UGT1A3: variants seen among roughly 807,000 people sequenced by gnomAD.
UGT1A3 encodes the protein UDP-glucuronosyltransferase 1A3.
In UGT1A3, 31 loss-of-function variants were observed where a neutral mutation model predicts 41.0. The ratio of observed to expected loss-of-function variants is 0.76; its 90% CI spans 0.57 to 1.02. The LOEUF is 1.02. Among genes scored for constraint, UGT1A3 ranks in the 50% least tolerant of loss-of-function variants. The probability of loss-of-function intolerance (pLI) is 0.00; values close to 1 mark genes in which losing one functional copy is unlikely to be tolerated. For synonymous variants in UGT1A3, 262 were observed against 257.6 expected, an observed-to-expected ratio of 1.02 and a Z score of -0.17; for missense variants, 737 against 671.0, an observed-to-expected ratio of 1.10 and a Z score of -1.09.
chr2:233,729,653 T>A lies in UGT1A3; in HGVS notation c.527T>A (p.Ile176Asn). Residue 176 changes from isoleucine (I) to asparagine (N), a missense_variant, in exon 1 of 5, where the codon ATT becomes AAT. Ile to Asn is a moderately radical substitution (Grantham distance 149). Coordinates refer to ENST00000482026, the MANE Select transcript of UGT1A3 (RefSeq NM_019093.4). ...CCTACTGTGTTTTTTTTGAGGAACA[T>A]TCCATGTGATTTAGACTTTAAGGGC... ...SIPTVFFLRNIPCDLDFKGTQ... is the reference protein window; with the variant it reads ...SIPTVFFLRNNPCDLDFKGTQ... 1 of 1,613,906 alleles carries A rather than the reference T, an allele frequency of 6.2e-7. No individual in the cohort carries two copies. The highest frequency in any genetic ancestry group is 8.5e-7 in the Non-Finnish European group (1 of 1,179,854).
rs373771428 is a variant in UGT1A3 at position 233,743,798 on chromosome 2, T to A, written c.867+13805T>A. The A allele has an allele frequency of 5.3e-5, 73 of 1,367,294 alleles. No homozygotes were observed. The East Asian group carries it at 1.4e-3, about 26-fold the overall frequency. 84.7% of individuals were successfully genotyped at this position (1,367,294 alleles called of 1,614,324 possible). A position where few individuals can be genotyped will look rare whatever the true frequency, so the allele number is the denominator to read the frequency against. On this transcript the variant is annotated intron_variant, in intron 1 of 4. Transcript: ENST00000482026. ...CTGCTTGAATCTCCTCTCCGCTTCC[T>A]CCTTGTTCTCAGGGTTTTTGTCGGG...
intron 1 of UGT1A3, chr2:233,742,665 A>C (rs1692062657): frequency 6.6e-6 from 1 of 152,140 alleles, no homozygotes; most frequent in Non-Finnish European, 1.5e-5. Flanking sequence ...ATGTAACCCC[A>C]AGGTTTGTCC....
Position 233,772,351 on chromosome 2 carries a change from T to C in UGT1A3, c.1397T>C (p.Val466Ala). 1 of 1,614,248 alleles carries C rather than the reference T, an allele frequency of 6.2e-7. No individual in the cohort carries two copies. The change falls in exon 5 of 5, where the codon GTG becomes GCG. Residue 466 changes from valine (V) to alanine (A), a missense_variant. Transcript: ENST00000482026. ...CTGGCCGTGTTCTGGGTGGAGTTTG[T>C]GATGAGGCACAAGGGCGCGCCACAC... ...LDLAVFWVEF[V>A]MRHKGAPHLR...
intron 1 of UGT1A3, chr2:233,742,951 A>G (rs1692147451): frequency 4.7e-6 from 1 of 213,770 alleles, no homozygotes; most frequent in East Asian, 1.2e-4. Flanking sequence ...ACTAGCAAAT[A>G]ATCATTGTCT....
chr2:233,744,383 G>A (rs1055889727), intron 1 of UGT1A3, among the ~76,000 whole-genome samples: 51 of 151,842 alleles, frequency 3.4e-4, no homozygotes, highest in African/African-American at 1.2e-3. Flanking sequence ...GTTCTCCAAC[G>A]TTCCAGCCCC....
intron 1 of UGT1A3, among the ~76,000 whole-genome samples, chr2:233,762,377 A>T (rs182919265): frequency 5.6e-4 from 86 of 152,370 alleles, no homozygotes; most frequent in African/African-American, 2.0e-3. Context: ...ACCAATATGT[A>T]TATAGAAACA....
chr2:233,740,275 T>C (rs1342427185), intron 1 of UGT1A3, among the ~76,000 whole-genome samples: 1 of 151,910 alleles, frequency 6.6e-6, no homozygotes, highest in Non-Finnish European at 1.5e-5. Context: ...ATTGAAGTTA[T>C]ACTGAAAGGG....
At chr2:233,747,551 T>C in intron 1 of UGT1A3, 1 of 1,601,212 alleles carries the variant, frequency 6.2e-7, no homozygotes, top group Non-Finnish European at 8.6e-7. Context: ...TTTCTAAAAG[T>C]ATGGCAATTT....
At position 233,768,358 on chromosome 2, in the gene UGT1A3, G is replaced by A. The variant is rs770254031; in HGVS notation, c.1226G>A (p.Gly409Glu). Reference sequence around the variant, plus strand: ...AATGCAAAGCGCATGGAGACTAAGGGAGCTGGAGTGACCCTGAATGTTCTG... The same window carrying A: ...AATGCAAAGCGCATGGAGACTAAGGAAGCTGGAGTGACCCTGAATGTTCTG... ...MDNAKRMETK[G>E]AGVTLNVLEM... The change falls in exon 4 of 5, where the codon GGA becomes GAA. Residue 409 changes from glycine to glutamate, a missense_variant. Coordinates refer to ENST00000482026, the MANE Select transcript of UGT1A3 (RefSeq NM_019093.4). 8.7e-6 allele frequency: 14 copies of A among 1,614,148 alleles called. No individual in the cohort carries two copies. Among genetic ancestry groups the A allele is most frequent in the Non-Finnish European group, 7.6e-6 (9 of 1,180,042 alleles).
At position 233,736,090 on chromosome 2, in the gene UGT1A3, T is replaced by C. The variant is rs1422886640; in HGVS notation, c.867+6097T>C. ...AGGTTTGGGAAGTTCTCCTGGATAA[T>C]ATCCTGAAGAGTGTTTTCCAACTTG... On this transcript the variant is annotated intron_variant, in intron 1 of 4. Coordinates refer to ENST00000482026, the MANE Select transcript of UGT1A3 (RefSeq NM_019093.4). Among the ~76,000 whole-genome samples, 4 of 152,378 alleles carry C rather than the reference T, an allele frequency of 2.6e-5. No homozygotes were observed. The East Asian group carries it at 7.7e-4, about 29-fold the overall frequency.
In UGT1A3 at chr2:233,772,556, T is replaced by C; in HGVS notation, c.1602T>C (p.His534=). ...AGAAAGCCCACAAATCCAAGACCCA[T>C]TGAGAAGTGGGTGGGAAATAAGGTA... is the stretch of plus-strand genomic sequence containing the variant. ...RVKKAHKSKT[H] The change falls in exon 5 of 5, where the codon CAT becomes CAC. Residue 534 remains histidine, a synonymous_variant. Transcript: ENST00000482026. 2.5e-6 allele frequency: 4 copies of C among 1,613,872 alleles called. No homozygotes were observed. The highest frequency in any genetic ancestry group is 2.7e-5 in the African/African-American group (2 of 75,014).
At chr2:233,749,405 TG>T (rs1425183484) in intron 1 of UGT1A3, among the ~76,000 whole-genome samples, 1 of 151,948 alleles carries the variant, frequency 6.6e-6, no homozygotes, top group African/African-American at 2.4e-5. Flanking sequence ...TATTCTCTAG[TG>T]TTAACTACAT....
chr2:233,745,880 T>G (rs1172718877), intron 1 of UGT1A3, among the ~76,000 whole-genome samples: 2 of 151,190 alleles, frequency 1.3e-5, no homozygotes, highest in Non-Finnish European at 2.9e-5. Context: ...TCCAGAAGTG[T>G]TGGTGGGGTG....
At chr2:233,764,281 G>A (rs537961109) in intron 1 of UGT1A3, among the ~76,000 whole-genome samples, 5 of 152,204 alleles carry the variant, frequency 3.3e-5, no homozygotes, top group South Asian at 2.1e-4. Context: ...TGGTCATTCC[G>A]GTAACTGTGA....
rs28900368 is a variant in UGT1A3 at position 233,741,162 on chromosome 2, T to C, written c.867+11169T>C. ...CATTTATGACAGCACTAATCCAGGA[T>C]ATATCAAAACTGAACTTGTGTTTGC... On this transcript the variant is annotated intron_variant, in intron 1 of 4. Transcript: ENST00000482026. 1.4e-3 allele frequency among the ~76,000 whole-genome samples: 206 copies of C among 152,072 alleles called. 9 individuals are homozygous for C. The highest frequency in any genetic ancestry group is 4.8e-3 in the African/African-American group (198 of 41,316).
intron 1 of UGT1A3, among the ~76,000 whole-genome samples, chr2:233,741,066 G>A (rs923933270): frequency 3.3e-5 from 5 of 151,838 alleles, no homozygotes; most frequent in Non-Finnish European, 7.3e-5. Context: ...GCTACAGAGC[G>A]AGACCCTGTC....
At chr2:233,742,468 T>C (rs1293032566) in intron 1 of UGT1A3, among the ~76,000 whole-genome samples, 1 of 151,930 alleles carries the variant, frequency 6.6e-6, no homozygotes, top group East Asian at 1.9e-4. Flanking sequence ...CTTATTCCAG[T>C]AAACTCACAA....
At chr2:233,750,281 G>C (rs1417802179) in intron 1 of UGT1A3, among the ~76,000 whole-genome samples, 1 of 151,952 alleles carries the variant, frequency 6.6e-6, no homozygotes, top group Non-Finnish European at 1.5e-5. Context: ...CAAAGAGACT[G>C]GTGGCATTTT....
At chr2:233,767,478 T>C (rs1699401505) in intron 2 of UGT1A3, among the ~76,000 whole-genome samples, 1 of 152,246 alleles carries the variant, frequency 6.6e-6, no homozygotes, top group Admixed American at 6.5e-5. Flanking sequence ...TCATATTAAA[T>C]AGAAGTATTT....
Sources: gnomAD v4.1 joint callset for allele counts (sites outside exome capture counted in the v4.1 genomes callset) on GRCh38, gnomAD v4.1.1 for gene constraint, MANE v1.5 for transcripts, NCBI Gene and HGNC (gene_info 2026-07-23, HGNC 2026-07-21) for gene names.